The following JMJD1C variants were observed in gnomAD, a reference collection of about 807,000 sequenced individuals.
The protein encoded by JMJD1C is jumonji domain containing 1C, also known as jumonji domain-containing protein 1C.
A neutral mutation model predicts 245.3 loss-of-function variants in JMJD1C; 31 were observed. The observed-to-expected ratio is 0.13, with a 90% CI of 0.09 to 0.17. JMJD1C has a LOEUF of 0.17. JMJD1C is among the 10% of genes least tolerant of loss of function. The probability of loss-of-function intolerance (pLI) is 1.00; values close to 1 mark genes in which losing one functional copy is unlikely to be tolerated. For missense variants in JMJD1C, 2,691 were observed against 3,000.2 expected, an observed-to-expected ratio of 0.90 and a Z score of 2.41; for synonymous variants, 1,057 against 1,017.4, an observed-to-expected ratio of 1.04 and a Z score of -0.74.
At chr10:63,189,095 TAAG>T (rs1010872745) in intron 18 of JMJD1C, 70 bp downstream of exon 18, 16 of 1,314,238 alleles carry the variant, frequency 1.2e-5, no homozygotes, top group African/African-American at 4.4e-5. Context: ...TTTCTATTCC[TAAG>T]GAGGGAACCA....
chr10:63,281,527 GT>G (rs1275416340), intron 2 of JMJD1C, among the ~76,000 whole-genome samples: 2 of 135,038 alleles, frequency 1.5e-5, no homozygotes, highest in Non-Finnish European at 3.1e-5. Context: ...CTGGAGTGTA[GT>G]GGTATGATCT....
chr10:63,268,917 C>G, intron 2 of JMJD1C: 1 of 985,812 alleles, frequency 1.0e-6, no homozygotes, highest in Non-Finnish European at 1.2e-6. Context: ...TAACAAGTCT[C>G]CAACGAGCAA....
chr10:63,519,984 A>T (rs1279515409), intron 1 of JMJD1C, among the ~76,000 whole-genome samples: 1 of 152,232 alleles, frequency 6.6e-6, no homozygotes, highest in Non-Finnish European at 1.5e-5. Context: ...AATAATGGCC[A>T]AAAATAAAAG....
rs540767777 is a variant in JMJD1C at position 63,237,013 on chromosome 10, A to C, written c.448-17030T>G. Among the ~76,000 whole-genome samples, 28 of 152,180 alleles carry C rather than the reference A, an allele frequency of 1.8e-4. No homozygotes were observed. The East Asian group carries it at 5.4e-3, about 29-fold the overall frequency. ...TATACATCGTGTCAATGATTGATTCATACAGAACAAACACTGTTTTTGTTT... is the reference window on the plus strand; with the variant it reads ...TATACATCGTGTCAATGATTGATTCCTACAGAACAAACACTGTTTTTGTTT... On this transcript the variant is annotated intron_variant, in intron 3 of 25. Coordinates refer to ENST00000399262, the MANE Select transcript of JMJD1C (RefSeq NM_032776.3).
At chr10:63,170,432 T>C (rs1311075851) in intron 24 of JMJD1C, among the ~76,000 whole-genome samples, 1 of 152,216 alleles carries the variant, frequency 6.6e-6, no homozygotes, top group Non-Finnish European at 1.5e-5. Context: ...CAGTCATCCA[T>C]TTGTTTAGTG....
chr10:63,305,455 TGA>T (rs1208671125), intron 2 of JMJD1C, among the ~76,000 whole-genome samples: 23 of 104,264 alleles, frequency 2.2e-4, no homozygotes, highest in African/African-American at 8.4e-4. Flanking sequence ...CAAGACGCTC[TGA>T]CCCTCTCTCT....
chr10:63,326,422 A>T (rs1160686718), intron 2 of JMJD1C, among the ~76,000 whole-genome samples: 1 of 145,182 alleles, frequency 6.9e-6, no homozygotes, highest in Non-Finnish European at 1.5e-5. Context: ...ATAAATAAAT[A>T]AATAAAGATA....
At chr10:63,414,238 G>A (rs968854313) in intron 1 of JMJD1C, among the ~76,000 whole-genome samples, 10 of 151,856 alleles carry the variant, frequency 6.6e-5, no homozygotes, top group South Asian at 2.1e-4. Flanking sequence ...TGCCTGCCTC[G>A]GCCTCCCAAA....
chr10:63,484,187 G>GGGAT (rs375305760), intron 1 of JMJD1C, among the ~76,000 whole-genome samples: 24 of 144,930 alleles, frequency 1.7e-4, no homozygotes, highest in African/African-American at 6.4e-4. Flanking sequence ...CCAGCACCTT[G>GGGAT]GGATGGATGG....
chr10:63,196,199 C>T (rs868634108), intron 13 of JMJD1C, among the ~76,000 whole-genome samples: 5 of 151,714 alleles, frequency 3.3e-5, no homozygotes, highest in East Asian at 1.9e-4. Context: ...GCCAAGATTG[C>T]GCCACTGCAC....
chr10:63,348,432 A>T (rs1484140089), intron 2 of JMJD1C, among the ~76,000 whole-genome samples: 1 of 152,194 alleles, frequency 6.6e-6, no homozygotes, highest in Non-Finnish European at 1.5e-5. Flanking sequence ...CAGAGATATG[A>T]TTCATTTCTA....
chr10:63,488,958 G>C (rs182906170), intron 1 of JMJD1C, among the ~76,000 whole-genome samples: 5 of 152,180 alleles, frequency 3.3e-5, no homozygotes, highest in Admixed American at 3.3e-4. Context: ...CATATAGGAC[G>C]ATGGTCCCAT....
chr10:63,240,535 A>T (rs1296831399), intron 3 of JMJD1C, among the ~76,000 whole-genome samples: 1 of 152,170 alleles, frequency 6.6e-6, no homozygotes, highest in Non-Finnish European at 1.5e-5. Flanking sequence ...GGAGGAAGAA[A>T]CCAGGCTGCA....
At position 63,189,155 on chromosome 10, in the gene JMJD1C, C is replaced by A. The variant is rs2132952513; in HGVS notation, c.6570+13G>T. ...TCCACCAAGAGTGTTCTTTATCAGC[C>A]TAAAATACACACCTGTCCTTGTTTC... On this transcript the variant is annotated intron_variant, in intron 18 of 25. Transcript: ENST00000399262. The A allele has an allele frequency of 1.3e-6, 2 of 1,587,388 alleles. No homozygotes were observed. Among genetic ancestry groups the A allele is most frequent in the Non-Finnish European group, 1.7e-6 (2 of 1,168,178 alleles).
At position 63,208,773 on chromosome 10, in the gene JMJD1C, G is replaced by A. The variant is rs761183826; in HGVS notation, c.2896C>T (p.Pro966Ser). The stretch of plus-strand genomic sequence containing the variant: ...GATGTGGATGCAACAGACCGTAATG[G>A]TTCCATAAAAGCTTTTCTTTCTAAT... ...EELERKAFMEPLRSVASTSAK... is the reference protein window; with the variant it reads ...EELERKAFMESLRSVASTSAK... Residue 966 changes from proline (P) to serine (S), a missense_variant, in exon 10 of 26, where the codon CCA (proline) becomes TCA (serine). By Grantham distance (74) the Pro-to-Ser change is moderately conservative (BLOSUM62 -1). Coordinates refer to ENST00000399262, the MANE Select transcript of JMJD1C (RefSeq NM_032776.3). 3.6e-5 allele frequency: 58 copies of A among 1,590,878 alleles called. No individual in the cohort carries two copies. The highest frequency in any genetic ancestry group is 4.8e-5 in the Non-Finnish European group (56 of 1,172,866).
chr10:63,378,657 T>C (rs754175328), intron 2 of JMJD1C, among the ~76,000 whole-genome samples: 4 of 152,184 alleles, frequency 2.6e-5, no homozygotes, highest in Non-Finnish European at 5.9e-5. Flanking sequence ...TACTGATGTA[T>C]AGTTTTTCAT....
chr10:63,172,660 CGACA>C (rs1343837127), intron 24 of JMJD1C, among the ~76,000 whole-genome samples: 9 of 151,046 alleles, frequency 6.0e-5, no homozygotes, highest in Non-Finnish European at 8.8e-5. Context: ...GCAGGAAAGA[CGACA>C]GAAAGTTGGG....
intron 2 of JMJD1C, chr10:63,373,008 T>C (rs1366606724): frequency 4.0e-6 from 1 of 248,972 alleles, no homozygotes; most frequent in Non-Finnish European, 1.0e-5. Context: ...AAGGTTTTCC[T>C]AAAGGAGATG....
At position 63,168,015 on chromosome 10, in the gene JMJD1C, A is replaced by G. The variant is rs1323590689; in HGVS notation, c.*30T>C. The G allele has an allele frequency of 3.1e-6, 4 of 1,303,490 alleles. No homozygotes were observed. The highest frequency in any genetic ancestry group is 4.5e-6 in the Non-Finnish European group (4 of 897,962). The allele number at this position is 1,303,490 out of a possible 1,614,324, so 80.7% of individuals were successfully genotyped here. A position where few individuals can be genotyped will look rare whatever the true frequency, so the allele number is the denominator to read the frequency against. On this transcript the variant is annotated 3_prime_UTR_variant, in exon 26 of 26. Transcript: ENST00000399262. ...TTCAAGGTTAAGTAATCCCAGTTCAACAACCTAAAAATATCAAACTGGATC... is the reference window on the plus strand; with the variant it reads ...TTCAAGGTTAAGTAATCCCAGTTCAGCAACCTAAAAATATCAAACTGGATC...
Sources: allele counts gnomAD v4.1 joint callset (sites outside exome capture counted in the v4.1 genomes callset), GRCh38; gene constraint gnomAD v4.1.1; transcripts MANE v1.5; gene names NCBI Gene and HGNC (gene_info 2026-07-23, HGNC 2026-07-21).